CCNG1: variants seen among roughly 807,000 people sequenced by gnomAD.
CCNG1 encodes cyclin-G1.
A neutral mutation model predicts 30.0 loss-of-function variants in CCNG1; 13 were observed. The ratio of observed to expected loss-of-function variants is 0.43; its 90% CI spans 0.28 to 0.69. CCNG1 has a LOEUF of 0.69. CCNG1 is among the 30% of genes least tolerant of loss of function. The pLI is 0.16. For missense variants in CCNG1, 285 were observed against 331.4 expected, an observed-to-expected ratio of 0.86 and a Z score of 1.09; for synonymous variants, 110 against 121.5, an observed-to-expected ratio of 0.91 and a Z score of 0.62.
Position 163,442,428 on chromosome 5 carries a change from G to A in CCNG1, c.751G>A (p.Glu251Lys), listed in dbSNP as rs1757863683. 3.7e-6 allele frequency: 6 copies of A among 1,613,818 alleles called. No homozygotes were observed. The highest frequency in any genetic ancestry group is 1.1e-5 in the South Asian group (1 of 91,056). Residue 251 changes from glutamate (E) to lysine (K), a missense_variant, in exon 6 of 7, where the codon GAA becomes AAA. Physicochemically the swap from Glu to Lys is moderately conservative, Grantham distance 56 (BLOSUM62 1). Coordinates refer to ENST00000340828, the MANE Select transcript of CCNG1 (RefSeq NM_004060.4). ...AGAGCTTGTATCCAAATGTTTAACTGAATATTCATCAAATAAGTGTTCCAA... is the reference window on the plus strand; with the variant it reads ...AGAGCTTGTATCCAAATGTTTAACTAAATATTCATCAAATAAGTGTTCCAA... ...WQELVSKCLT[E>K]YSSNKCSKPN...
At chr5:163,447,754 T>C (rs1056801605), downstream of CCNG1, 1 of 152,154 alleles carries the variant, frequency 6.6e-6, no homozygotes. Flanking sequence ...ATATAAAATA[T>C]GTTTTTTGAC....
chr5:163,449,034 G>C (rs1221009322), downstream of CCNG1: 2 of 152,118 alleles, frequency 1.3e-5, no homozygotes, highest in African/African-American at 4.8e-5. Flanking sequence ...CTAAGATCCA[G>C]AACAAGACTG....
chr5:163,454,091 A>G, the CCNG1 span: 16 of 1,075,124 alleles, frequency 1.5e-5, no homozygotes, highest in Non-Finnish European at 2.1e-5. Flanking sequence ...TAAAACTTAT[A>G]AGGAAAAATA....
chr5:163,457,232 A>G, the CCNG1 span: 4 of 784,192 alleles, frequency 5.1e-6, no homozygotes, highest in South Asian at 2.1e-5. Flanking sequence ...CCCGGGTTCA[A>G]GTGATTCTCC....
chr5:163,442,261 C>G (rs968166351), intron 5 of CCNG1, 113 bp from the exon 6 acceptor site: 3 of 1,102,324 alleles, frequency 2.7e-6, no homozygotes, highest in African/African-American at 3.2e-5. Flanking sequence ...TAGCTATCCT[C>G]AAATGTTTTT....
chr5:163,449,007 A>C (rs1047256329), downstream of CCNG1: 1 of 152,224 alleles, frequency 6.6e-6, no homozygotes, highest in African/African-American at 2.4e-5. Flanking sequence ...ATGGTCAAAA[A>C]CAATGCTTTC....
rs770806866 is a variant in CCNG1 at position 163,441,326 on chromosome 5, T to C, written c.513T>C (p.Leu171=). 1.2e-6 allele frequency: 2 copies of C among 1,613,352 alleles called. No homozygotes were observed. The highest frequency in any genetic ancestry group is 1.7e-6 in the Non-Finnish European group (2 of 1,179,580). Residue 171 remains leucine, a synonymous_variant, in exon 3 of 7, where the codon CTT becomes CTC. Coordinates refer to ENST00000340828, the MANE Select transcript of CCNG1 (RefSeq NM_004060.4). ...CACTCCTTCAAGAGAACTTGCCACT[T>C]GAAAGGTAAGTGACCTTTGTTTTGA... ...YYSLLQENLP[L]ERRNSINFER...
chr5:163,457,002 G>T, the CCNG1 span: 1 of 1,613,408 alleles, frequency 6.2e-7, no homozygotes, highest in Admixed American at 1.7e-5. Flanking sequence ...TGCATATTCA[G>T]ATTCTAGTAG....
the CCNG1 span, chr5:163,452,585 AT>A: frequency 1.6e-4 from 25 of 152,192 alleles, no homozygotes; most frequent in Admixed American, 1.6e-3. Flanking sequence ...ACAAGGTAGT[AT>A]TTTGCAACTA....
chr5:163,455,746 A>T, the CCNG1 span, among the ~76,000 whole-genome samples: 3 of 152,048 alleles, frequency 2.0e-5, no homozygotes, highest in Non-Finnish European at 4.4e-5. Flanking sequence ...AAAAAAAAAA[A>T]AAAAAAGAAC....
At chr5:163,440,933 G>A in intron 2 of CCNG1, 145 bp from the exon 3 acceptor site, 3 of 865,784 alleles carry the variant, frequency 3.5e-6, no homozygotes, top group Non-Finnish European at 5.1e-6. Flanking sequence ...GGTATGAGTG[G>A]ATTGTGTTAA....
chr5:163,440,134 G>T (rs1757729662), intron 2 of CCNG1, among the ~76,000 whole-genome samples: 1 of 151,894 alleles, frequency 6.6e-6, no homozygotes, highest in East Asian at 1.9e-4. Flanking sequence ...AGGAAAATAA[G>T]ATGATGTGAC....
At chr5:163,442,890 T>A (rs1378178614) in intron 6 of CCNG1, among the ~76,000 whole-genome samples, 1 of 152,198 alleles carries the variant, frequency 6.6e-6, no homozygotes, top group Non-Finnish European at 1.5e-5. Context: ...TGTATGTATC[T>A]GACTGATTTA....
chr5:163,448,196 A>G (rs1486849824), downstream of CCNG1: 1 of 125,172 alleles, frequency 8.0e-6, no homozygotes, highest in Non-Finnish European at 1.6e-5. Context: ...GCAAGCAGAA[A>G]GAAGAAAAAA....
At chr5:163,443,356 C>T (rs1757925106) in intron 6 of CCNG1, among the ~76,000 whole-genome samples, 1 of 151,508 alleles carries the variant, frequency 6.6e-6, no homozygotes, top group Non-Finnish European at 1.5e-5. Flanking sequence ...GATAGATGGT[C>T]TCTACATTGG....
chr5:163,439,287 C>A lies in CCNG1; in HGVS notation c.31C>A (p.Gln11Lys). 1 of 1,613,774 alleles carries A rather than the reference C, an allele frequency of 6.2e-7. No individual in the cohort carries two copies. The highest frequency in any genetic ancestry group is 1.3e-5 in the African/African-American group (1 of 75,028). The part of the protein sequence containing the change: MIEVLTTTDS[Q>K]KLLHQLNALL... The stretch of plus-strand genomic sequence containing the variant: ...AGAGGTACTGACAACAACTGACTCT[C>A]AGAAACTGCTACACCAGCTGAATGC... The change falls in exon 2 of 7, where the codon CAG becomes AAG. Residue 11 changes from glutamine to lysine, a missense_variant. Physicochemically the swap from Gln to Lys is moderately conservative, Grantham distance 53. Transcript: ENST00000340828.
At chr5:163,441,378 G>A (rs1757810001) in intron 3 of CCNG1, 47 bp downstream of exon 3, 1 of 1,548,078 alleles carries the variant, frequency 6.5e-7, no homozygotes, top group African/African-American at 1.4e-5. Flanking sequence ...AATCAGAATG[G>A]TATTGTATGG....
At chr5:163,447,276 A>C (rs1758059875), downstream of CCNG1, 1 of 152,370 alleles carries the variant, frequency 6.6e-6, no homozygotes, top group Non-Finnish European at 1.5e-5. Context: ...ACATAGGGAG[A>C]CCCTATCTCT....
In CCNG1 at chr5:163,441,333, TA is replaced by T. The variant is rs1561617878; in HGVS notation, c.518+4del. 1 of 1,612,278 alleles carries T rather than the reference TA, an allele frequency of 6.2e-7. No homozygotes were observed. Among genetic ancestry groups the T allele is most frequent in the Non-Finnish European group, 8.5e-7 (1 of 1,179,098 alleles). The stretch of plus-strand genomic sequence containing the variant: ...TCAAGAGAACTTGCCACTTGAAAGG[TA>T]AGTGACCTTTGTTTTGAACAAGAGA... On this transcript the variant is annotated splice_donor_region_variant and intron_variant, in intron 3 of 6. Transcript: ENST00000340828.
Sources: gnomAD v4.1 joint callset for allele counts (sites outside exome capture counted in the v4.1 genomes callset) on GRCh38, gnomAD v4.1.1 for gene constraint, MANE v1.5 for transcripts, NCBI Gene and HGNC (gene_info 2026-07-23, HGNC 2026-07-21) for gene names.